SMARCA2: variants seen among roughly 807,000 people sequenced by gnomAD.
SMARCA2 encodes SWI/SNF-related matrix-associated actin-dependent regulator of chromatin subfamily A member 2.
SMARCA2 carries 61 observed loss-of-function variants against 199.8 expected under a neutral mutation model. That is an observed-to-expected ratio of 0.31 (90% CI 0.25 to 0.38). SMARCA2 has a LOEUF of 0.38. Among genes scored for constraint, SMARCA2 ranks in the 10% least tolerant of loss-of-function variants. The pLI is 1.00. For synonymous variants in SMARCA2, 935 were observed against 732.0 expected (o/e 1.28, Z -4.48); for missense variants, 1,344 against 2,012.2 (o/e 0.67, Z 6.35).
Position 2,182,125 on chromosome 9 carries a change from C to T in SMARCA2, c.4360-16C>T, listed in dbSNP as rs142175015. 6.5e-7 allele frequency: 1 copy of T among 1,529,084 alleles called. No homozygotes were observed. Among genetic ancestry groups the T allele is most frequent in the Admixed American group, 1.7e-5 (1 of 59,018 alleles). 94.7% of individuals were successfully genotyped at this position (1,529,084 alleles called of 1,614,324 possible). A position where few individuals can be genotyped will look rare whatever the true frequency, so the allele number is the denominator to read the frequency against. On this transcript the variant is annotated splice_polypyrimidine_tract_variant and intron_variant, in intron 30 of 33. Transcript: ENST00000349721. The stretch of plus-strand genomic sequence containing the variant: ...CTCCCTCTTTTTTTCTCCATTTTCT[C>T]CAAAATTTCCATCAGGAAAGGATTC...
intron 8 of SMARCA2, among the ~76,000 whole-genome samples, chr9:2,058,871 A>C (rs567512998): frequency 1.9e-4 from 29 of 152,276 alleles, no homozygotes; most frequent in Admixed American, 5.9e-4. Flanking sequence ...CGTGTCTTCA[A>C]ATCTAAGAAG....
chr9:2,040,126 T>C, intron 4 of SMARCA2: 1 of 926,200 alleles, frequency 1.1e-6, no homozygotes. Context: ...TTGTGCAAGC[T>C]GGAGACCCAG....
intron 29 of SMARCA2, among the ~76,000 whole-genome samples, chr9:2,174,147 GC>G (rs923990032): frequency 1.3e-5 from 2 of 152,154 alleles, no homozygotes; most frequent in East Asian, 3.9e-4. Context: ...CATTAGCCTG[GC>G]CCTGAAGCCC....
In SMARCA2 at chr9:2,039,369, A is replaced by G; in HGVS notation, c.356-97A>G. On this transcript the variant is annotated intron_variant, in intron 3 of 33. Transcript: ENST00000349721. The surrounding 1 kb of genome is among the most constrained non-coding windows in gnomAD (Gnocchi z 4.8). ...GATATGTCATTCAAATTTCTGTCAG[A>G]CAGTGTTGCTGTGGACAATTATTAG... The G allele has an allele frequency of 8.8e-7, 1 of 1,139,670 alleles. No homozygotes were observed. Among genetic ancestry groups the G allele is most frequent in the Non-Finnish European group, 1.3e-6 (1 of 798,354 alleles). 70.6% of individuals were successfully genotyped at this position (1,139,670 alleles called of 1,614,324 possible).
chr9:2,123,119 A>G lies in SMARCA2; in HGVS notation c.3763-600A>G, dbSNP rs550535962. 2.1e-4 allele frequency among the ~76,000 whole-genome samples: 32 copies of G among 152,338 alleles called. No homozygotes were observed. The highest frequency in any genetic ancestry group is 7.7e-4 in the African/African-American group (32 of 41,576). On this transcript the variant is annotated intron_variant, in intron 26 of 33. Transcript: ENST00000349721. The surrounding 1 kb of genome is among the most constrained non-coding windows in gnomAD (Gnocchi z 4.1). ...TAAAGAATTGAAGAGCATTCCTCAGACAGTGCCCATGAGGTATTGAAAAGT... is the reference window on the plus strand; with the variant it reads ...TAAAGAATTGAAGAGCATTCCTCAGGCAGTGCCCATGAGGTATTGAAAAGT...
intron 5 of SMARCA2, 30 bp downstream of exon 5, chr9:2,047,514 T>C: frequency 7.4e-7 from 1 of 1,358,782 alleles, no homozygotes; most frequent in Non-Finnish European, 9.6e-7. Context: ...AGGGGCCCCC[T>C]GCGGTGTGCT....
At chr9:2,032,165 T>C (rs1239868486) in intron 2 of SMARCA2, among the ~76,000 whole-genome samples, 1 of 152,262 alleles carries the variant, frequency 6.6e-6, no homozygotes, top group Non-Finnish European at 1.5e-5. Flanking sequence ...CCTGGAAATA[T>C]TTCTTTCAGG....
chr9:2,097,124 T>C (rs1822305903), intron 20 of SMARCA2: 1 of 492,790 alleles, frequency 2.0e-6, no homozygotes, highest in Admixed American at 3.6e-5. Context: ...GAATAGACAG[T>C]CATGTCGCAA....
intron 21 of SMARCA2, among the ~76,000 whole-genome samples, chr9:2,099,336 C>T (rs1463897097): frequency 6.6e-6 from 1 of 152,150 alleles, no homozygotes; most frequent in Non-Finnish European, 1.5e-5. Context: ...AATTTTAAGA[C>T]ATGTATGGTA....
intron 19 of SMARCA2, among the ~76,000 whole-genome samples, chr9:2,089,532 A>T (rs1371155747): frequency 6.6e-6 from 1 of 152,192 alleles, no homozygotes; most frequent in African/African-American, 2.4e-5. Flanking sequence ...ATGGTGTACA[A>T]CGTTGATCAC....
intron 13 of SMARCA2, among the ~76,000 whole-genome samples, chr9:2,077,200 C>T (rs746910685): frequency 1.3e-5 from 2 of 152,164 alleles, no homozygotes; most frequent in Non-Finnish European, 2.9e-5. Context: ...TCTCCCCCTG[C>T]CCTCCCAGCT....
At chr9:2,103,752 T>G (rs1822633341) in intron 22 of SMARCA2, among the ~76,000 whole-genome samples, 1 of 152,106 alleles carries the variant, frequency 6.6e-6, no homozygotes, top group Non-Finnish European at 1.5e-5. Context: ...TGGTTCCTTT[T>G]CTTTCTAGAA....
In SMARCA2 at chr9:2,039,758, GCAA is replaced by G. The variant is rs762758875; in HGVS notation, c.654_656del (p.Gln238del). Reference sequence around the variant, plus strand: ...GGAAAAGGACGTTGCCTGGCTTGCAGCAACAACAGCAGCAGCAACAGCAGCAGC... The same window carrying G: ...GGAAAAGGACGTTGCCTGGCTTGCAGCAACAGCAGCAGCAACAGCAGCAGC... On this transcript the variant is annotated inframe_deletion, in exon 4 of 34. Transcript: ENST00000349721. The surrounding 1 kb of genome is among the most constrained non-coding windows in gnomAD (Gnocchi z 4.8). 4 of 1,611,750 alleles carry G rather than the reference GCAA, an allele frequency of 2.5e-6. No homozygotes were observed. In the South Asian group the frequency reaches 3.3e-5, roughly 13 times the overall value.
intron 27 of SMARCA2, among the ~76,000 whole-genome samples, chr9:2,133,428 C>T (rs530686522): frequency 6.6e-5 from 10 of 151,768 alleles, no homozygotes; most frequent in South Asian, 2.1e-4. Context: ...ACTACGGGTA[C>T]GCACCGCCAC....
chr9:2,096,212 C>A (rs1331488794), intron 19 of SMARCA2, among the ~76,000 whole-genome samples: 2 of 152,146 alleles, frequency 1.3e-5, no homozygotes, highest in African/African-American at 4.8e-5. Flanking sequence ...CCACATGTGA[C>A]CATTTAAAAA....
Position 2,188,182 on chromosome 9 carries a change from T to C in SMARCA2, c.4594+1954T>C, listed in dbSNP as rs546291426. ...ATGAGGGTTTTTCTACAGCAACATA[T>C]ATTAATATGTATAATACATATTAAC... On this transcript the variant is annotated intron_variant, in intron 32 of 33. Transcript: ENST00000349721. Among the ~76,000 whole-genome samples, 4 of 152,268 alleles carry C rather than the reference T, an allele frequency of 2.6e-5. No homozygotes were observed. The South Asian group carries it at 6.2e-4, about 24-fold the overall frequency.
In SMARCA2 at chr9:2,029,147, G is replaced by A. The variant is rs777024299; in HGVS notation, c.125G>A (p.Ser42Asn). The A allele has an allele frequency of 6.2e-7, 1 of 1,612,694 alleles. No homozygotes were observed. The highest frequency in any genetic ancestry group is 8.5e-7 in the Non-Finnish European group (1 of 1,179,364). The change falls in exon 2 of 34, where the codon AGC becomes AAC. Residue 42 changes from serine to asparagine, a missense_variant. Ser to Asn is a conservative substitution (Grantham distance 46, BLOSUM62 1). Around this residue, in one of 18 missense-constraint regions of SMARCA2, gnomAD observed 275 missense variants for 247.5 expected, o/e 1.11. Coordinates refer to ENST00000349721, the MANE Select transcript of SMARCA2 (RefSeq NM_003070.5). ...GPGPSPGSVH[S>N]MMGPSPGPPS... ...GGACCATCCCCAGGTTCCGTCCACA[G>A]CATGATGGGGCCAAGTCCTGGACCT...
At chr9:2,019,843 T>G (rs543893481) in intron 1 of SMARCA2, among the ~76,000 whole-genome samples, 1 of 152,046 alleles carries the variant, frequency 6.6e-6, no homozygotes, top group East Asian at 1.9e-4. Context: ...TTTAGAAATC[T>G]TCCTTTGTAA....
chr9:2,191,908 C>A (rs541215773), intron 33 of SMARCA2: 1 of 153,588 alleles, frequency 6.5e-6, no homozygotes, highest in African/African-American at 2.4e-5. Flanking sequence ...CAGTGAGCAT[C>A]TATTGAGCCA....
Sources: allele counts gnomAD v4.1 joint callset (sites outside exome capture counted in the v4.1 genomes callset), GRCh38; gene constraint gnomAD v4.1.1; regional missense constraint gnomAD v4.1.1; non-coding constraint Gnocchi (gnomAD v3.1); transcripts MANE v1.5; gene names NCBI Gene and HGNC (gene_info 2026-07-23, HGNC 2026-07-21).